The following EPHA5 variants were observed in gnomAD, a reference collection of about 807,000 sequenced individuals.
The protein encoded by EPHA5 is EPH receptor A5.
EPHA5 carries 60 observed loss-of-function variants against 105.0 expected under a neutral mutation model. The ratio of observed to expected loss-of-function variants is 0.57; its 90% CI spans 0.46 to 0.71. EPHA5 has a LOEUF of 0.71. Ranked by LOEUF, EPHA5 falls within the 30% of genes least tolerant of loss-of-function variation. The probability of loss-of-function intolerance (pLI) is 0.00; values close to 1 mark genes in which losing one functional copy is unlikely to be tolerated. For synonymous variants in EPHA5, 513 were observed against 449.1 expected, an observed-to-expected ratio of 1.14 and a Z score of -1.80; for missense variants, 1,218 against 1,274.7, an observed-to-expected ratio of 0.96 and a Z score of 0.68.
intron 3 of EPHA5, among the ~76,000 whole-genome samples, chr4:65,596,339 A>T (rs1181712581): frequency 6.6e-6 from 1 of 152,100 alleles, no homozygotes; most frequent in Non-Finnish European, 1.5e-5. Context: ...CTGCGTCTAG[A>T]GGGTAGAACC....
intron 3 of EPHA5, among the ~76,000 whole-genome samples, chr4:65,540,729 A>G (rs1736738205): frequency 6.6e-6 from 1 of 151,184 alleles, no homozygotes; most frequent in Non-Finnish European, 1.5e-5. Context: ...TGGAAAATCA[A>G]GTGTATTTAA....
chr4:65,666,688 T>C (rs1289737842), intron 1 of EPHA5, among the ~76,000 whole-genome samples: 2 of 152,198 alleles, frequency 1.3e-5, no homozygotes, highest in Non-Finnish European at 2.9e-5. Flanking sequence ...ACTAATATAC[T>C]AAAACTACTA....
intron 5 of EPHA5, among the ~76,000 whole-genome samples, chr4:65,483,132 T>A (rs954840002): frequency 2.6e-5 from 4 of 152,176 alleles, no homozygotes; most frequent in African/African-American, 9.7e-5. Flanking sequence ...GTCCTTGCGA[T>A]AGTTTGCTGA....
chr4:65,330,047 C>T (rs1720453966), intron 16 of EPHA5, among the ~76,000 whole-genome samples: 1 of 151,298 alleles, frequency 6.6e-6, no homozygotes, highest in African/African-American at 2.4e-5. Context: ...GATCTGCTGG[C>T]CCAATTACTG....
At chr4:65,436,853 C>G (rs1344425065) in intron 5 of EPHA5, among the ~76,000 whole-genome samples, 1 of 151,952 alleles carries the variant, frequency 6.6e-6, no homozygotes, top group South Asian at 2.1e-4. Flanking sequence ...GTCTTTTTCC[C>G]CCCTTTATTT....
chr4:65,607,582 A>T (rs1447289512), intron 2 of EPHA5, among the ~76,000 whole-genome samples: 4 of 152,230 alleles, frequency 2.6e-5, no homozygotes, highest in Non-Finnish European at 5.9e-5. Context: ...TGCGAAAAAA[A>T]GCTCATCATC....
At chr4:65,501,802 TA>T (rs35634038) in intron 3 of EPHA5, among the ~76,000 whole-genome samples, 21,078 of 151,608 alleles carry the variant, frequency 0.14, 2,032 homozygotes, top group East Asian at 0.36. Flanking sequence ...GAAGTAATCT[TA>T]AGCCAAAAGG....
intron 5 of EPHA5, among the ~76,000 whole-genome samples, chr4:65,428,128 G>A (rs553550026): frequency 1.3e-5 from 2 of 151,692 alleles, no homozygotes; most frequent in African/African-American, 2.4e-5. Context: ...TTTGTTTTGG[G>A]GTACATATTA....
intron 1 of EPHA5, among the ~76,000 whole-genome samples, chr4:65,647,938 G>T (rs902380483): frequency 6.6e-6 from 1 of 152,130 alleles, no homozygotes. Context: ...ATAAGGAAAA[G>T]TCACTTAACT....
At chr4:65,642,518 T>G (rs2149513158) in intron 2 of EPHA5, among the ~76,000 whole-genome samples, 1 of 152,138 alleles carries the variant, frequency 6.6e-6, no homozygotes, top group African/African-American at 2.4e-5. Flanking sequence ...TTTAAGTACA[T>G]CTGTAACTTT....
intron 5 of EPHA5, among the ~76,000 whole-genome samples, chr4:65,469,095 G>A (rs1042930865): frequency 2.0e-5 from 3 of 151,922 alleles, no homozygotes; most frequent in African/African-American, 7.3e-5. Context: ...TGGATGATGT[G>A]GTATGCATAT....
At chr4:65,551,760 C>A (rs1335458048) in intron 3 of EPHA5, among the ~76,000 whole-genome samples, 1 of 152,068 alleles carries the variant, frequency 6.6e-6, no homozygotes, top group Non-Finnish European at 1.5e-5. Context: ...TGTGTTACAC[C>A]ACTCAGTATT....
chr4:65,347,232 C>G (rs1722309514), intron 14 of EPHA5, among the ~76,000 whole-genome samples: 1 of 152,084 alleles, frequency 6.6e-6, no homozygotes. Context: ...GTTCAATATA[C>G]TAGCTTTACA....
chr4:65,347,950 T>C, intron 14 of EPHA5, 104 bp downstream of exon 14: 1 of 1,218,776 alleles, frequency 8.2e-7, no homozygotes, highest in Middle Eastern at 2.3e-4. Context: ...AAGTATTTCA[T>C]TTTCTTAAGC....
chr4:65,505,329 G>C (rs1221372446), intron 3 of EPHA5, among the ~76,000 whole-genome samples: 1 of 151,942 alleles, frequency 6.6e-6, no homozygotes, highest in Non-Finnish European at 1.5e-5. Context: ...ATTAATGCTT[G>C]TTTTATTGTG....
chr4:65,639,119 C>T (rs1285524155), intron 2 of EPHA5, among the ~76,000 whole-genome samples: 1 of 152,098 alleles, frequency 6.6e-6, no homozygotes. Flanking sequence ...ATTTTTCAAA[C>T]TTGAGGGAAA....
chr4:65,433,302 C>G (rs1282187084), intron 5 of EPHA5, among the ~76,000 whole-genome samples: 1 of 152,110 alleles, frequency 6.6e-6, no homozygotes, highest in Non-Finnish European at 1.5e-5. Context: ...TATTCAAATA[C>G]ACATAAATAT....
At chr4:65,463,076 C>T (rs1296387329) in intron 5 of EPHA5, among the ~76,000 whole-genome samples, 1 of 152,144 alleles carries the variant, frequency 6.6e-6, no homozygotes, top group Non-Finnish European at 1.5e-5. Flanking sequence ...GTATGTAGTA[C>T]ACTGACATAA....
intron 5 of EPHA5, among the ~76,000 whole-genome samples, chr4:65,443,849 G>C (rs1726244639): frequency 6.6e-6 from 1 of 152,090 alleles, no homozygotes; most frequent in African/African-American, 2.4e-5. Context: ...GTAGCCTATA[G>C]TAGGATGACC....
Sources: allele counts gnomAD v4.1 joint callset (sites outside exome capture counted in the v4.1 genomes callset), GRCh38; gene constraint gnomAD v4.1.1; transcripts MANE v1.5; gene names NCBI Gene and HGNC (gene_info 2026-07-23, HGNC 2026-07-21).